The following LYG2 variants were observed in gnomAD, a reference collection of about 807,000 sequenced individuals.
The protein encoded by LYG2 is lysozyme g2.
Under a neutral mutation model 22.4 loss-of-function variants are expected in LYG2, and 25 were observed. The observed-to-expected ratio is 1.12, with a 90% CI of 0.81 to 1.56. The LOEUF is 1.56. Among genes scored for constraint, LYG2 ranks in the 40% most tolerant of loss-of-function variants. LYG2 has a pLI of 0.00. For missense variants in LYG2, 266 were observed against 269.5 expected (o/e 0.99, Z 0.09); for synonymous variants, 88 against 97.0 (o/e 0.91, Z 0.55).
intron 3 of LYG2, among the ~76,000 whole-genome samples, chr2:99,248,830 A>G (rs1384442790): frequency 1.3e-5 from 2 of 152,014 alleles, no homozygotes; most frequent in South Asian, 2.1e-4. Context: ...GAAGGGCACC[A>G]TAACAATTTA....
chr2:99,243,695 T>TA, intron 6 of LYG2: 2 of 165,982 alleles, frequency 1.2e-5, no homozygotes, highest in South Asian at 2.6e-4. Context: ...ATGCCCAGCT[T>TA]TTTTTTTTTT....
At chr2:99,243,809 T>C in intron 6 of LYG2, 190 bp downstream of exon 6, 4 of 596,260 alleles carry the variant, frequency 6.7e-6, no homozygotes, top group Non-Finnish European at 8.6e-6. Context: ...GAAGAGGAAA[T>C]GGAGGTTGAG....
At chr2:99,257,215 T>C (rs773851131), upstream of LYG2, among the ~76,000 whole-genome samples, 1 of 152,262 alleles carries the variant, frequency 6.6e-6, no homozygotes, top group Non-Finnish European at 1.5e-5. Flanking sequence ...TTGTAGGTGC[T>C]GTTGTAATTT....
upstream of LYG2, among the ~76,000 whole-genome samples, chr2:99,256,688 G>A (rs2094036974): frequency 6.6e-6 from 1 of 152,224 alleles, no homozygotes; most frequent in Non-Finnish European, 1.5e-5. Flanking sequence ...ACTGTTGAAT[G>A]TGAAGAATAC....
At chr2:99,247,061 C>T (rs2094017261) in intron 3 of LYG2, among the ~76,000 whole-genome samples, 1 of 152,136 alleles carries the variant, frequency 6.6e-6, no homozygotes, top group Admixed American at 6.5e-5. Flanking sequence ...TGAAATTCAT[C>T]TCTTATAGAT....
chr2:99,254,410 A>C, intron 2 of LYG2, 125 bp from the exon 3 acceptor site: 1 of 465,068 alleles, frequency 2.2e-6, no homozygotes, highest in Non-Finnish European at 3.7e-6. Flanking sequence ...CCCTGTTTCA[A>C]GATAGTATTC....
At chr2:99,243,871 C>T in intron 6 of LYG2, 128 bp downstream of exon 6, 1 of 1,059,424 alleles carries the variant, frequency 9.4e-7, no homozygotes, top group Non-Finnish European at 1.4e-6. Flanking sequence ...CAAATGCAGC[C>T]TCTAGACAGC....
intron 1 of LYG2, 175 bp downstream of exon 1, chr2:99,255,425 TTAA>T (rs1340687682): frequency 6.6e-6 from 1 of 152,174 alleles, no homozygotes; most frequent in East Asian, 1.9e-4. Context: ...TTAACCACTA[TTAA>T]TTAATTAACC....
the LYG2 span, among the ~76,000 whole-genome samples, chr2:99,261,002 A>G: frequency 0.39 from 59,960 of 152,032 alleles, 12,692 homozygotes; most frequent in East Asian, 0.64. Context: ...GACAGCTGAA[A>G]GAGAGCCAAA....
Position 99,255,013 on chromosome 2 carries a change from C to G in LYG2, c.-26+7G>C, listed in dbSNP as rs1243085614. 6.6e-6 allele frequency: 1 copy of G among 152,256 alleles called. No homozygotes were observed. Among genetic ancestry groups the G allele is most frequent in the Non-Finnish European group, 1.5e-5 (1 of 68,062 alleles). The allele number at this position is 152,256 out of a possible 1,614,324, so 9.4% of individuals were successfully genotyped here. A position where few individuals can be genotyped will look rare whatever the true frequency, so the allele number is the denominator to read the frequency against. The stretch of plus-strand genomic sequence containing the variant: ...GTTTTACAAGACATAAGAAGGCCAG[C>G]ACTAACCTTGTTTGCAACCTTACAG... On this transcript the variant is annotated splice_region_variant and intron_variant, in intron 2 of 6. Transcript: ENST00000333017.
At chr2:99,257,173 C>T (rs1031583057), upstream of LYG2, among the ~76,000 whole-genome samples, 1 of 152,236 alleles carries the variant, frequency 6.6e-6, no homozygotes, top group Non-Finnish European at 1.5e-5. Context: ...TAACACCACT[C>T]ACAGATTTTT....
chr2:99,249,221 G>A lies in LYG2; in HGVS notation c.44-2401C>T, dbSNP rs547755969. 5.3e-5 allele frequency among the ~76,000 whole-genome samples: 8 copies of A among 152,182 alleles called. No individual in the cohort carries two copies. The East Asian group carries it at 1.4e-3, about 26-fold the overall frequency. On this transcript the variant is annotated intron_variant, in intron 3 of 6. Coordinates refer to ENST00000333017, the MANE Select transcript of LYG2 (RefSeq NM_175735.4). ...CGATTGCTTGAGCGTAGGAGTTTGAGACCAGCCTATGCAACATGGCAAAAC... is the reference window on the plus strand; with the variant it reads ...CGATTGCTTGAGCGTAGGAGTTTGAAACCAGCCTATGCAACATGGCAAAAC...
At chr2:99,259,414 T>TA (rs562953887), upstream of LYG2, among the ~76,000 whole-genome samples, 1,727 of 150,080 alleles carry the variant, frequency 0.012, 11 homozygotes, top group Non-Finnish European at 0.018. Flanking sequence ...ATACACAAGT[T>TA]AAAAAAAAAA....
At chr2:99,250,405 T>C (rs908332128) in intron 3 of LYG2, among the ~76,000 whole-genome samples, 1 of 150,284 alleles carries the variant, frequency 6.7e-6, no homozygotes, top group Non-Finnish European at 1.5e-5. Context: ...GACAGAGTCT[T>C]GCTCTGTCGC....
Position 99,244,139 on chromosome 2 carries a change from T to C in LYG2, c.382-2A>G, listed in dbSNP as rs2094011692. The C allele has an allele frequency of 6.2e-7, 1 of 1,611,378 alleles. No homozygotes were observed. The highest frequency in any genetic ancestry group is 1.3e-5 in the African/African-American group (1 of 74,786). The stretch of plus-strand genomic sequence containing the variant: ...AGGGTGGTACGTTTGTTTATCAAGC[T>C]AGAAAATTCAGATAATAAAGTCAGC... On this transcript the variant is annotated splice_acceptor_variant, in intron 5 of 6. Transcript: ENST00000333017. LOFTEE classifies it high-confidence loss of function.
At chr2:99,248,660 C>G (rs540614472) in intron 3 of LYG2, among the ~76,000 whole-genome samples, 1 of 149,844 alleles carries the variant, frequency 6.7e-6, no homozygotes, top group African/African-American at 2.5e-5. Context: ...GTGCAGCACA[C>G]CAGCATGGCA....
At chr2:99,247,814 AT>A (rs2094018910) in intron 3 of LYG2, among the ~76,000 whole-genome samples, 1 of 151,908 alleles carries the variant, frequency 6.6e-6, no homozygotes, top group Admixed American at 6.6e-5. Context: ...ATGGGAGAAA[AT>A]TTTCGCAACC....
At chr2:99,257,610 C>T (rs1002876218), upstream of LYG2, among the ~76,000 whole-genome samples, 1 of 152,096 alleles carries the variant, frequency 6.6e-6, no homozygotes, top group African/African-American at 2.4e-5. Flanking sequence ...TATCAGTCCC[C>T]AAAATAAAAA....
intron 3 of LYG2, among the ~76,000 whole-genome samples, chr2:99,250,271 C>T (rs1342132240): frequency 6.8e-6 from 1 of 147,794 alleles, no homozygotes; most frequent in Non-Finnish European, 1.5e-5. Context: ...AGTTTATAGA[C>T]AAAAAAAGAA....
Sources: gnomAD v4.1 joint callset for allele counts (sites outside exome capture counted in the v4.1 genomes callset) on GRCh38, gnomAD v4.1.1 for gene constraint, MANE v1.5 for transcripts, NCBI Gene and HGNC (gene_info 2026-07-23, HGNC 2026-07-21) for gene names.